IGFL4: variants seen among roughly 807,000 people sequenced by gnomAD.
The protein encoded by IGFL4 is insulin growth factor-like family member 4.
In IGFL4, 12 loss-of-function variants were observed where a neutral mutation model predicts 15.4. The ratio of observed to expected loss-of-function variants is 0.78; its 90% confidence interval spans 0.50 to 1.26. The LOEUF (loss-of-function observed/expected upper bound fraction) is 1.26. IGFL4 is among the 50% of genes most tolerant of loss of function. The probability of loss-of-function intolerance (pLI) is 0.00; values close to 1 mark genes in which losing one functional copy is unlikely to be tolerated. For missense variants in IGFL4, 126 were observed against 147.8 expected, an observed-to-expected ratio of 0.85 and a Z score of 0.76; for synonymous variants, 54 against 55.9, an observed-to-expected ratio of 0.97 and a Z score of 0.16.
At chr19:46,077,099 AC>A (rs1969609558), upstream of IGFL4, 1 of 152,172 alleles carries the variant, frequency 6.6e-6, no homozygotes, top group African/African-American at 2.4e-5. The surrounding 1 kb of genome is among the most constrained non-coding windows in gnomAD (Gnocchi z 5.4). Context: ...GAAGTTTCCA[AC>A]CCAGAGTCAG....
chr19:46,051,491 G>C (rs1192455576), intron 2 of IGFL4, among the ~76,000 whole-genome samples: 2 of 152,190 alleles, frequency 1.3e-5, no homozygotes, highest in Non-Finnish European at 2.9e-5. Context: ...GTTGCAGTGA[G>C]CCGAGATCGT....
upstream of IGFL4, among the ~76,000 whole-genome samples, chr19:46,042,136 A>ATCGT (rs149156646): frequency 0.67 from 101,549 of 151,630 alleles, 34,586 homozygotes; most frequent in East Asian, 0.86. Context: ...TTTGCACTCC[A>ATCGT]GCCTGGCCTC....
chr19:46,055,580 G>C (rs1203993676), intron 2 of IGFL4, among the ~76,000 whole-genome samples: 1 of 151,866 alleles, frequency 6.6e-6, no homozygotes, highest in African/African-American at 2.4e-5. Flanking sequence ...TTGCTTATTA[G>C]TGTTTACCTA....
intron 2 of IGFL4, among the ~76,000 whole-genome samples, chr19:46,051,841 A>G (rs1193994975): frequency 6.6e-6 from 1 of 152,196 alleles, no homozygotes; most frequent in East Asian, 1.9e-4. Flanking sequence ...AGCTATTCTT[A>G]TATTAGACAA....
intron 1 of IGFL4, among the ~76,000 whole-genome samples, chr19:46,073,641 A>G (rs1438189817): frequency 6.6e-6 from 1 of 152,174 alleles, no homozygotes; most frequent in Non-Finnish European, 1.5e-5. Flanking sequence ...CACAAGAGTA[A>G]CAGCACTCTT....
chr19:46,067,001 C>T (rs550844363), intron 1 of IGFL4, among the ~76,000 whole-genome samples: 1 of 152,328 alleles, frequency 6.6e-6, no homozygotes, highest in African/African-American at 2.4e-5. Flanking sequence ...CAATCTGGTT[C>T]TCACTGGAGA....
intron 1 of IGFL4, among the ~76,000 whole-genome samples, chr19:46,063,955 C>A (rs1234958356): frequency 6.6e-6 from 1 of 151,770 alleles, no homozygotes; most frequent in Non-Finnish European, 1.5e-5. Flanking sequence ...GCCTGTAATC[C>A]CAGCTACTTG....
chr19:46,054,087 T>G (rs555507042), intron 2 of IGFL4, among the ~76,000 whole-genome samples: 1 of 152,322 alleles, frequency 6.6e-6, no homozygotes, highest in South Asian at 2.1e-4. Context: ...CTCTGTTGTT[T>G]GTTGTGCAGA....
chr19:46,056,901 C>T (rs1029745390), intron 2 of IGFL4, among the ~76,000 whole-genome samples: 1 of 152,156 alleles, frequency 6.6e-6, no homozygotes, highest in Non-Finnish European at 1.5e-5. Flanking sequence ...TTGACCTGAC[C>T]CTCTTCTCTC....
intron 1 of IGFL4, among the ~76,000 whole-genome samples, chr19:46,070,800 G>A (rs1182399747): frequency 6.6e-6 from 1 of 152,148 alleles, no homozygotes; most frequent in Non-Finnish European, 1.5e-5. Context: ...TCTTACATGG[G>A]TGGGCCTGAA....
chr19:46,062,029 T>C (rs1293953491), intron 1 of IGFL4, among the ~76,000 whole-genome samples: 2 of 152,206 alleles, frequency 1.3e-5, no homozygotes, highest in East Asian at 3.8e-4. Context: ...TTTTAATTCC[T>C]AGGGTTTCAT....
chr19:46,064,550 C>A (rs1188726324), intron 1 of IGFL4, among the ~76,000 whole-genome samples: 1 of 152,100 alleles, frequency 6.6e-6, no homozygotes, highest in Non-Finnish European at 1.5e-5. Context: ...ATTTTTAGAT[C>A]CCACAAATAA....
intron 1 of IGFL4, among the ~76,000 whole-genome samples, chr19:46,072,624 T>C (rs955820395): frequency 6.6e-6 from 1 of 152,094 alleles, no homozygotes; most frequent in Non-Finnish European, 1.5e-5. Flanking sequence ...AAGCCCCAGG[T>C]GTGATCAGGA....
At chr19:46,065,909 G>GA (rs567510805) in intron 1 of IGFL4, among the ~76,000 whole-genome samples, 42 of 152,170 alleles carry the variant, frequency 2.8e-4, no homozygotes, top group African/African-American at 1.0e-3. Flanking sequence ...TAGGAGTTTG[G>GA]AAAAAAATCC....
chr19:46,072,427 A>G (rs1213477251), intron 1 of IGFL4, among the ~76,000 whole-genome samples: 1 of 152,242 alleles, frequency 6.6e-6, no homozygotes, highest in Non-Finnish European at 1.5e-5. Flanking sequence ...GCACATGCAC[A>G]TTCTAGACCA....
chr19:46,052,388 A>T (rs1038378037), intron 2 of IGFL4, among the ~76,000 whole-genome samples: 1 of 152,244 alleles, frequency 6.6e-6, no homozygotes, highest in Non-Finnish European at 1.5e-5. Flanking sequence ...CCTGCTCCTG[A>T]GTGATCATTG....
chr19:46,068,911 G>A (rs1969519834), intron 1 of IGFL4, among the ~76,000 whole-genome samples: 1 of 152,170 alleles, frequency 6.6e-6, no homozygotes. Flanking sequence ...GTTGACTTAA[G>A]TTCTCACCAA....
In IGFL4 at chr19:46,039,601, C is replaced by G. The variant is rs1247110899; in HGVS notation, c.*291G>C. On this transcript the variant is annotated 3_prime_UTR_variant, in exon 4 of 4. Transcript: ENST00000377697. ...GGTTTGTAGTTCTCCTTGAAGAGGT[C>G]CTTCACATCCCTTGTAAGTTGGATT... is the stretch of plus-strand genomic sequence containing the variant. 3.2e-6 allele frequency: 1 copy of G among 313,900 alleles called. No homozygotes were observed. Among genetic ancestry groups the G allele is most frequent in the East Asian group, 7.9e-5 (1 of 12,690 alleles). 19.4% of individuals were successfully genotyped at this position (313,900 alleles called of 1,614,324 possible). A position where few individuals can be genotyped will look rare whatever the true frequency, so the allele number is the denominator to read the frequency against.
At chr19:46,066,274 G>A (rs556830844) in intron 1 of IGFL4, among the ~76,000 whole-genome samples, 1 of 152,288 alleles carries the variant, frequency 6.6e-6, no homozygotes, top group African/African-American at 2.4e-5. Flanking sequence ...GTGTAAGTAT[G>A]TCCCAAGTGT....
Sources: gnomAD v4.1 joint callset for allele counts (sites outside exome capture counted in the v4.1 genomes callset) on GRCh38, gnomAD v4.1.1 for gene constraint, Gnocchi (gnomAD v3.1) non-coding constraint, MANE v1.5 for transcripts, NCBI Gene and HGNC (gene_info 2026-07-23, HGNC 2026-07-21) for gene names.